Variants in SLC39A11 observed in about 807,000 individuals in gnomAD.
The protein encoded by SLC39A11 is solute carrier family 39 member 11.
In SLC39A11, 33 loss-of-function variants were observed where a neutral mutation model predicts 36.1. The ratio of observed to expected loss-of-function variants is 0.91; its 90% CI spans 0.69 to 1.22. The LOEUF is 1.22. SLC39A11 is among the 50% of genes most tolerant of loss of function. The pLI is 0.00. For missense variants in SLC39A11, 432 were observed against 430.3 expected, an observed-to-expected ratio of 1.00 and a Z score of -0.03; for synonymous variants, 166 against 170.3, an observed-to-expected ratio of 0.97 and a Z score of 0.20.
At chr17:72,953,956 C>A (rs1230862423) in intron 4 of SLC39A11, among the ~76,000 whole-genome samples, 1 of 152,210 alleles carries the variant, frequency 6.6e-6, no homozygotes, top group Non-Finnish European at 1.5e-5. Context: ...GAGCTCTGTT[C>A]ATTTTGTTCT....
intron 7 of SLC39A11, among the ~76,000 whole-genome samples, chr17:72,727,278 T>C (rs1294516032): frequency 1.3e-5 from 2 of 152,200 alleles, no homozygotes; most frequent in African/African-American, 2.4e-5. Flanking sequence ...CGCTTAAGCA[T>C]GCAATTCCCC....
At chr17:72,805,600 T>C (rs1007864415) in intron 6 of SLC39A11, among the ~76,000 whole-genome samples, 2 of 152,198 alleles carry the variant, frequency 1.3e-5, no homozygotes, top group African/African-American at 4.8e-5. Flanking sequence ...CAGCCTCCAG[T>C]TTCTGCTTCC....
At chr17:72,696,557 G>A (rs955505998) in intron 7 of SLC39A11, among the ~76,000 whole-genome samples, 2 of 152,030 alleles carry the variant, frequency 1.3e-5, no homozygotes, top group Non-Finnish European at 2.9e-5. Context: ...GCTCAAAAGC[G>A]CCCAGGTGTT....
intron 5 of SLC39A11, among the ~76,000 whole-genome samples, chr17:72,869,211 G>T (rs888424456): frequency 6.6e-6 from 1 of 152,200 alleles, no homozygotes; most frequent in Non-Finnish European, 1.5e-5. Flanking sequence ...GTAACAAGAA[G>T]CCCAGAGAAC....
intron 6 of SLC39A11, among the ~76,000 whole-genome samples, chr17:72,841,972 T>C (rs1210073829): frequency 6.6e-6 from 1 of 151,306 alleles, no homozygotes; most frequent in Non-Finnish European, 1.5e-5. Flanking sequence ...CTCAGGAGGC[T>C]GAGGTGGGAG....
At chr17:72,985,252 G>A (rs151260938) in intron 4 of SLC39A11, among the ~76,000 whole-genome samples, 33 of 152,258 alleles carry the variant, frequency 2.2e-4, no homozygotes, top group African/African-American at 5.8e-4. Context: ...CGCAGACAGC[G>A]CCCACAGAAG....
chr17:72,918,299 C>T (rs1439170132), intron 5 of SLC39A11, among the ~76,000 whole-genome samples: 2 of 152,194 alleles, frequency 1.3e-5, no homozygotes, highest in Non-Finnish European at 2.9e-5. Flanking sequence ...ATCCCAACTA[C>T]TCAGGAGTCT....
intron 4 of SLC39A11, among the ~76,000 whole-genome samples, chr17:72,965,021 A>G (rs1257569970): frequency 6.8e-6 from 1 of 147,924 alleles, no homozygotes; most frequent in Non-Finnish European, 1.5e-5. Flanking sequence ...CAAACACTGC[A>G]TGTTCTCACT....
At chr17:72,900,199 A>AAG (rs2082308192) in intron 5 of SLC39A11, among the ~76,000 whole-genome samples, 1 of 149,724 alleles carries the variant, frequency 6.7e-6, no homozygotes, top group East Asian at 1.9e-4. Flanking sequence ...GAAAGAAAGA[A>AAG]AGAAAGAAAG....
At chr17:72,925,194 G>T (rs993383019) in intron 5 of SLC39A11, among the ~76,000 whole-genome samples, 1 of 151,976 alleles carries the variant, frequency 6.6e-6, no homozygotes. Flanking sequence ...GTTCTTCCAC[G>T]ACGGACATGT....
chr17:72,837,879 G>C, intron 6 of SLC39A11: 1 of 1,104,644 alleles, frequency 9.1e-7, no homozygotes, highest in East Asian at 3.3e-5. Flanking sequence ...GCAGGGGCTG[G>C]AGGGAGGGAG....
chr17:72,670,920 G>A (rs1035310370), intron 7 of SLC39A11, among the ~76,000 whole-genome samples: 13 of 152,264 alleles, frequency 8.5e-5, no homozygotes, highest in Middle Eastern at 3.4e-3. Context: ...CTCCAGAGGC[G>A]CTCACTGTTA....
At chr17:72,949,144 C>CTTTTTTTTT (rs56036208) in intron 4 of SLC39A11, among the ~76,000 whole-genome samples, 2,342 of 36,482 alleles carry the variant, frequency 0.064, 749 homozygotes, top group Non-Finnish European at 0.099. Flanking sequence ...CACTGGGCAG[C>CTTTTTTTTT]TTTTTTTTTT....
At chr17:73,061,403 G>A (rs1242167587) in intron 3 of SLC39A11, among the ~76,000 whole-genome samples, 2 of 152,072 alleles carry the variant, frequency 1.3e-5, no homozygotes, top group Non-Finnish European at 2.9e-5. Context: ...AAACTCACTG[G>A]TTCATAAAAC....
intron 1 of SLC39A11, chr17:73,089,759 G>T (rs564026111): frequency 6.6e-6 from 1 of 152,330 alleles, no homozygotes; most frequent in South Asian, 2.1e-4. Context: ...CCCAGGAATG[G>T]AATGTCCCCT....
At chr17:72,872,891 C>T (rs530253517) in intron 5 of SLC39A11, among the ~76,000 whole-genome samples, 1 of 151,944 alleles carries the variant, frequency 6.6e-6, no homozygotes, top group South Asian at 2.1e-4. Context: ...CCTGTCTCTA[C>T]TAAAATACAA....
intron 6 of SLC39A11, among the ~76,000 whole-genome samples, chr17:72,810,887 T>C (rs112991161): frequency 1.3e-5 from 2 of 152,206 alleles, no homozygotes; most frequent in African/African-American, 4.8e-5. Context: ...AGTTTCACCA[T>C]GTTGGCTGGG....
At chr17:72,957,058 C>T (rs556492468) in intron 4 of SLC39A11, among the ~76,000 whole-genome samples, 1 of 152,086 alleles carries the variant, frequency 6.6e-6, no homozygotes, top group African/African-American at 2.4e-5. Context: ...CTGGAAAACA[C>T]TGATTCTTCT....
intron 3 of SLC39A11, among the ~76,000 whole-genome samples, chr17:73,055,188 G>A (rs763916573): frequency 8.5e-5 from 13 of 152,166 alleles, no homozygotes; most frequent in South Asian, 2.1e-4. Flanking sequence ...CTGGGGAGTC[G>A]AGGGGGGATA....
Sources: gnomAD v4.1 joint callset for allele counts (sites outside exome capture counted in the v4.1 genomes callset) on GRCh38, gnomAD v4.1.1 for gene constraint, MANE v1.5 for transcripts, NCBI Gene and HGNC (gene_info 2026-07-23, HGNC 2026-07-21) for gene names.